The following MEF2A variants were observed in gnomAD, a reference collection of about 807,000 sequenced individuals.
MEF2A encodes the protein myocyte enhancer factor 2A.
MEF2A carries 28 observed loss-of-function variants against 55.8 expected under a neutral mutation model. The ratio of observed to expected loss-of-function variants is 0.50; its 90% CI spans 0.37 to 0.69. The LOEUF (loss-of-function observed/expected upper bound fraction) is 0.69. MEF2A is among the 30% of genes least tolerant of loss of function. The probability of loss-of-function intolerance (pLI) is 0.00; values close to 1 mark genes in which losing one functional copy is unlikely to be tolerated. For missense variants in MEF2A, 528 were observed against 626.2 expected, an observed-to-expected ratio of 0.84 and a Z score of 1.67; for synonymous variants, 239 against 227.1, an observed-to-expected ratio of 1.05 and a Z score of -0.47.
chr15:99,623,249 T>TA (rs1262806845), intron 2 of MEF2A, among the ~76,000 whole-genome samples: 1 of 152,246 alleles, frequency 6.6e-6, no homozygotes, highest in Non-Finnish European at 1.5e-5. Context: ...CCTTCTTTTT[T>TA]AATGCTGAAT....
At chr15:99,613,606 TC>T (rs1483571771) in intron 2 of MEF2A, among the ~76,000 whole-genome samples, 1 of 152,162 alleles carries the variant, frequency 6.6e-6, no homozygotes, top group African/African-American at 2.4e-5. Flanking sequence ...AAGCTCAAGT[TC>T]CTTTGCAAAT....
chr15:99,685,855 C>G (rs1472234101), intron 7 of MEF2A, among the ~76,000 whole-genome samples: 1 of 152,126 alleles, frequency 6.6e-6, no homozygotes, highest in African/African-American at 2.4e-5. Context: ...CTTTCTTACT[C>G]TGTCATTTGG....
intron 1 of MEF2A, among the ~76,000 whole-genome samples, chr15:99,573,381 G>A (rs1332701397): frequency 6.6e-6 from 1 of 151,720 alleles, no homozygotes; most frequent in Non-Finnish European, 1.5e-5. Flanking sequence ...AATCATAAAG[G>A]TACTTTCCAA....
intron 7 of MEF2A, among the ~76,000 whole-genome samples, chr15:99,684,223 T>C (rs774750264): frequency 1.3e-5 from 2 of 152,188 alleles, no homozygotes; most frequent in Non-Finnish European, 2.9e-5. Flanking sequence ...TCTTTTCCTC[T>C]GACCCAGTAG....
chr15:99,674,899 A>G (rs2051625706), intron 6 of MEF2A, among the ~76,000 whole-genome samples: 1 of 152,178 alleles, frequency 6.6e-6, no homozygotes, highest in African/African-American at 2.4e-5. Flanking sequence ...ATCAGAAGCA[A>G]GGATTTAAAG....
chr15:99,657,687 C>T (rs1318059916), intron 4 of MEF2A, among the ~76,000 whole-genome samples: 1 of 152,070 alleles, frequency 6.6e-6, no homozygotes, highest in Non-Finnish European at 1.5e-5. Flanking sequence ...ATGATCACTT[C>T]TAGGTTTATG....
intron 4 of MEF2A, among the ~76,000 whole-genome samples, chr15:99,667,405 T>C (rs2050006906): frequency 6.6e-6 from 1 of 152,078 alleles, no homozygotes; most frequent in African/African-American, 2.4e-5. Flanking sequence ...TTTGTATTTT[T>C]AGTAGAGACG....
At chr15:99,597,539 G>A (rs191542688) in intron 1 of MEF2A, among the ~76,000 whole-genome samples, 25 of 152,008 alleles carry the variant, frequency 1.6e-4, no homozygotes, top group African/African-American at 5.3e-4. Context: ...TCGTGATCTC[G>A]CCCTGCCTCC....
intron 10 of MEF2A, among the ~76,000 whole-genome samples, chr15:99,707,350 C>T (rs898753402): frequency 6.6e-6 from 1 of 152,258 alleles, no homozygotes; most frequent in Admixed American, 6.5e-5. Flanking sequence ...CTCCCTGTAA[C>T]CACTAGCTTG....
At chr15:99,649,554 G>C (rs1024536747) in intron 4 of MEF2A, among the ~76,000 whole-genome samples, 1 of 152,104 alleles carries the variant, frequency 6.6e-6, no homozygotes, top group Non-Finnish European at 1.5e-5. Context: ...CCTATAAAAT[G>C]TAGTAATTTA....
At chr15:99,624,002 C>T (rs1334297780) in intron 2 of MEF2A, among the ~76,000 whole-genome samples, 1 of 152,020 alleles carries the variant, frequency 6.6e-6, no homozygotes, top group Non-Finnish European at 1.5e-5. Flanking sequence ...GATTGGGTTT[C>T]ACTATGTTGG....
intron 3 of MEF2A, among the ~76,000 whole-genome samples, chr15:99,643,914 A>C (rs1045837260): frequency 1.3e-5 from 2 of 152,146 alleles, no homozygotes; most frequent in African/African-American, 4.8e-5. Context: ...TATCAAATAT[A>C]GACCAGTATT....
At chr15:99,625,591 A>C (rs1308020005) in intron 2 of MEF2A, among the ~76,000 whole-genome samples, 2 of 152,180 alleles carry the variant, frequency 1.3e-5, no homozygotes, top group Non-Finnish European at 2.9e-5. Context: ...TGATCATTGA[A>C]TATGAAGTTA....
intron 1 of MEF2A, among the ~76,000 whole-genome samples, chr15:99,597,313 A>G (rs770497771): frequency 1.3e-5 from 2 of 152,052 alleles, no homozygotes; most frequent in Non-Finnish European, 1.5e-5. Context: ...GTCGTCTCTT[A>G]TGGTCAAGAC....
At chr15:99,700,537 G>A (rs1433515086) in intron 8 of MEF2A, among the ~76,000 whole-genome samples, 2 of 152,058 alleles carry the variant, frequency 1.3e-5, no homozygotes, top group Non-Finnish European at 2.9e-5. Flanking sequence ...GTACAGTTGT[G>A]TGTACATATG....
At chr15:99,569,058 G>C (rs1051693549) in intron 1 of MEF2A, among the ~76,000 whole-genome samples, 1 of 152,138 alleles carries the variant, frequency 6.6e-6, no homozygotes, top group African/African-American at 2.4e-5. Context: ...GGATAACCTC[G>C]TGCAAGAGAA....
At chr15:99,584,551 A>G (rs968524483) in intron 1 of MEF2A, among the ~76,000 whole-genome samples, 4 of 152,180 alleles carry the variant, frequency 2.6e-5, no homozygotes, top group African/African-American at 9.7e-5. Flanking sequence ...AATCTTGAAA[A>G]CATGTTAAGT....
At chr15:99,582,949 C>G (rs1346913051) in intron 1 of MEF2A, among the ~76,000 whole-genome samples, 1 of 152,096 alleles carries the variant, frequency 6.6e-6, no homozygotes, top group Non-Finnish European at 1.5e-5. Context: ...CCCCAGTTCT[C>G]TTCCACGGAA....
chr15:99,591,536 T>C (rs916308789), intron 1 of MEF2A, among the ~76,000 whole-genome samples: 3 of 152,164 alleles, frequency 2.0e-5, no homozygotes, highest in Non-Finnish European at 4.4e-5. Flanking sequence ...TTATGTATGT[T>C]GAGTTTCTTG....
Sources: gnomAD v4.1 joint callset for allele counts (sites outside exome capture counted in the v4.1 genomes callset) on GRCh38, gnomAD v4.1.1 for gene constraint, MANE v1.5 for transcripts, NCBI Gene and HGNC (gene_info 2026-07-23, HGNC 2026-07-21) for gene names.